The following SORCS1 variants were observed in gnomAD, a reference collection of about 807,000 sequenced individuals.
SORCS1 encodes sortilin related VPS10 domain containing receptor 1, also known as VPS10 domain-containing receptor SorCS1.
In SORCS1, 60 loss-of-function variants were observed where a neutral mutation model predicts 146.1. The observed-to-expected ratio is 0.41, with a 90% CI of 0.33 to 0.51. The LOEUF is 0.51. Among genes scored for constraint, SORCS1 ranks in the 20% least tolerant of loss-of-function variants. SORCS1 has a pLI of 0.21. For synonymous variants in SORCS1, 637 were observed against 584.0 expected (o/e 1.09, Z -1.31); for missense variants, 1,352 against 1,487.6 (o/e 0.91, Z 1.50).
intron 24 of SORCS1, among the ~76,000 whole-genome samples, chr10:106,588,007 T>C (rs1046619106): frequency 1.3e-5 from 2 of 152,236 alleles, no homozygotes; most frequent in Admixed American, 6.5e-5. Flanking sequence ...TTCTGAAATA[T>C]GTACAGACAT....
intron 1 of SORCS1, among the ~76,000 whole-genome samples, chr10:107,000,622 A>AAAT (rs377329318): frequency 5.0e-4 from 76 of 151,000 alleles, no homozygotes; most frequent in African/African-American, 1.6e-3. Flanking sequence ...AAAAAAAAAA[A>AAAT]GTCAATTTTA....
intron 1 of SORCS1, among the ~76,000 whole-genome samples, chr10:107,011,568 C>A (rs1194197009): frequency 6.6e-6 from 1 of 152,224 alleles, no homozygotes; most frequent in Non-Finnish European, 1.5e-5. Context: ...ACAAGGTTTA[C>A]TTCACAGCTA....
intron 19 of SORCS1, among the ~76,000 whole-genome samples, chr10:106,624,634 T>A (rs770702907): frequency 2.0e-5 from 3 of 152,196 alleles, no homozygotes; most frequent in Non-Finnish European, 2.9e-5. Flanking sequence ...GTGCTGGGAT[T>A]ACAGGCATGA....
At chr10:107,141,101 A>T (rs936640496) in intron 1 of SORCS1, among the ~76,000 whole-genome samples, 1 of 152,178 alleles carries the variant, frequency 6.6e-6, no homozygotes, top group Non-Finnish European at 1.5e-5. Flanking sequence ...GACCTCAGAG[A>T]TCTTTCTTCT....
chr10:106,843,196 A>T (rs534012903), intron 2 of SORCS1, among the ~76,000 whole-genome samples: 97 of 152,236 alleles, frequency 6.4e-4, no homozygotes, highest in Non-Finnish European at 1.0e-3. Context: ...AAGTATCCTG[A>T]ACTTATTCAT....
intron 2 of SORCS1, among the ~76,000 whole-genome samples, chr10:106,947,221 A>C (rs1017160023): frequency 4.6e-5 from 7 of 152,228 alleles, no homozygotes; most frequent in Non-Finnish European, 8.8e-5. Context: ...ATTTGTTGCA[A>C]CCTTCTTGGA....
intron 5 of SORCS1, among the ~76,000 whole-genome samples, chr10:106,757,998 T>A (rs1406355289): frequency 1.3e-5 from 2 of 152,226 alleles, no homozygotes; most frequent in Non-Finnish European, 2.9e-5. Context: ...TAGTGCTTGT[T>A]GCACTACTAA....
intron 6 of SORCS1, among the ~76,000 whole-genome samples, chr10:106,711,403 G>A (rs1197127720): frequency 6.6e-6 from 1 of 152,138 alleles, no homozygotes; most frequent in African/African-American, 2.4e-5. Flanking sequence ...CTAGATATAA[G>A]GATTCACTAA....
At position 106,781,742 on chromosome 10, in the gene SORCS1, C is replaced by A. The variant is rs112630353; in HGVS notation, c.727-5050G>T. 6.0e-3 allele frequency among the ~76,000 whole-genome samples: 916 copies of A among 152,270 alleles called. 4 individuals carry two copies. The highest frequency in any genetic ancestry group is 0.011 in the Non-Finnish European group (747 of 68,020). On this transcript the variant is annotated intron_variant, in intron 3 of 25. Coordinates refer to ENST00000263054, the MANE Select transcript of SORCS1 (RefSeq NM_052918.5). ...TCTCAATGAGGGCTGAGTACTTATCCTTCCCAGATGAGCTGAGGGAAAGAG... is the reference window on the plus strand; with the variant it reads ...TCTCAATGAGGGCTGAGTACTTATCATTCCCAGATGAGCTGAGGGAAAGAG...
At position 106,577,167 on chromosome 10, in the gene SORCS1, A is replaced by G; in HGVS notation, c.*253T>C. 7.2e-7 allele frequency: 1 copy of G among 1,397,388 alleles called. No individual in the cohort carries two copies. Among genetic ancestry groups the G allele is most frequent in the Non-Finnish European group, 9.6e-7 (1 of 1,043,868 alleles). The allele number at this position is 1,397,388 out of a possible 1,614,324, so 86.6% of individuals were successfully genotyped here. On this transcript the variant is annotated 3_prime_UTR_variant, in exon 26 of 26. Coordinates refer to ENST00000263054, the MANE Select transcript of SORCS1 (RefSeq NM_052918.5). ...TTGTTTGTTTGGATTTTGATTGTTTATATTTTATGTTTTGTTTTGTTTTTG... is the reference window on the plus strand; with the variant it reads ...TTGTTTGTTTGGATTTTGATTGTTTGTATTTTATGTTTTGTTTTGTTTTTG...
chr10:106,844,342 G>T (rs955988184), intron 2 of SORCS1, among the ~76,000 whole-genome samples: 1 of 151,834 alleles, frequency 6.6e-6, no homozygotes, highest in Non-Finnish European at 1.5e-5. Context: ...TTTGCTTTTG[G>T]TGTCTGTGCT....
intron 1 of SORCS1, among the ~76,000 whole-genome samples, chr10:107,130,779 T>C (rs1218377516): frequency 2.6e-5 from 4 of 152,122 alleles, no homozygotes; most frequent in African/African-American, 9.7e-5. Flanking sequence ...TTAATTGGAA[T>C]TAAAAAATAC....
Position 106,852,951 on chromosome 10 carries a change from G to A in SORCS1, c.627-23278C>T, listed in dbSNP as rs142987873. Among the ~76,000 whole-genome samples, 81 of 152,214 alleles carry A rather than the reference G, an allele frequency of 5.3e-4. No homozygotes were observed. In the East Asian group the frequency reaches 0.014, roughly 26 times the overall value. On this transcript the variant is annotated intron_variant, in intron 2 of 25. Coordinates refer to ENST00000263054, the MANE Select transcript of SORCS1 (RefSeq NM_052918.5). ...TTGCTTTTTTCTCCTAATGTCATTG[G>A]GTGGTTTTTGATATTGGAATAATAC...
intron 9 of SORCS1, among the ~76,000 whole-genome samples, chr10:106,690,680 T>A (rs1164358959): frequency 6.6e-6 from 1 of 152,238 alleles, no homozygotes; most frequent in East Asian, 1.9e-4. Context: ...GGGATAGAGC[T>A]GGAGAGGGTC....
At position 106,977,695 on chromosome 10, in the gene SORCS1, G is replaced by T. The variant is rs137876106; in HGVS notation, c.559-21115C>A. 5.6e-3 allele frequency among the ~76,000 whole-genome samples: 836 copies of T among 150,438 alleles called. 5 individuals carry two copies. The highest frequency in any genetic ancestry group is 0.034 in the Middle Eastern group (10 of 290). On this transcript the variant is annotated intron_variant, in intron 1 of 25. Coordinates refer to ENST00000263054, the MANE Select transcript of SORCS1 (RefSeq NM_052918.5). ...TAAAGAAAGCACCAGTATATTTTCA[G>T]TGTATTACTGACAATTACACAATAT...
intron 6 of SORCS1, among the ~76,000 whole-genome samples, chr10:106,711,345 T>A (rs1371278420): frequency 6.6e-6 from 1 of 152,192 alleles, no homozygotes; most frequent in East Asian, 1.9e-4. Context: ...CAGAAGATGA[T>A]TATTTACAGG....
intron 1 of SORCS1, among the ~76,000 whole-genome samples, chr10:107,125,300 G>C (rs1966652888): frequency 6.6e-6 from 1 of 152,088 alleles, no homozygotes; most frequent in South Asian, 2.1e-4. Context: ...TTTCAGAAAG[G>C]CCTAGAAGTT....
intron 2 of SORCS1, among the ~76,000 whole-genome samples, chr10:106,841,092 G>A (rs1949018081): frequency 6.6e-6 from 1 of 151,268 alleles, no homozygotes; most frequent in South Asian, 2.1e-4. Flanking sequence ...CTGACCTCAT[G>A]ATCCGCCTGC....
chr10:106,661,433 T>G (rs1850719826), intron 17 of SORCS1, among the ~76,000 whole-genome samples: 1 of 152,232 alleles, frequency 6.6e-6, no homozygotes, highest in African/African-American at 2.4e-5. Flanking sequence ...AAACAGAGAC[T>G]TACATTAAAT....
Sources: gnomAD v4.1 joint callset for allele counts (sites outside exome capture counted in the v4.1 genomes callset) on GRCh38, gnomAD v4.1.1 for gene constraint, MANE v1.5 for transcripts, NCBI Gene and HGNC (gene_info 2026-07-23, HGNC 2026-07-21) for gene names.